The following PALS1 variants were observed in gnomAD, a reference collection of about 807,000 sequenced individuals.
PALS1 encodes protein associated with LIN7 1, MAGUK p55 family member.
PALS1 carries 31 observed loss-of-function variants against 78.9 expected under a neutral mutation model. The ratio of observed to expected loss-of-function variants is 0.39; its 90% CI spans 0.30 to 0.53. PALS1 has a LOEUF of 0.53. Ranked by LOEUF, PALS1 falls within the 20% of genes least tolerant of loss-of-function variation. PALS1 has a pLI of 0.67. For missense variants in PALS1, 704 were observed against 826.5 expected, an observed-to-expected ratio of 0.85 and a Z score of 1.82; for synonymous variants, 276 against 270.9, an observed-to-expected ratio of 1.02 and a Z score of -0.18.
chr14:67,294,081 T>C (rs1430106963), intron 4 of PALS1, among the ~76,000 whole-genome samples: 1 of 152,186 alleles, frequency 6.6e-6, no homozygotes, highest in Non-Finnish European at 1.5e-5. Flanking sequence ...AAAAGGACTT[T>C]AAAAAAGATC....
rs375911648 is a variant in PALS1, at chr14:67,308,546, CTTTTTTTTTTT to C, written c.1042-3975_1042-3965del. ...ACTCTCCAAATATTTTTTTCTTTTT[CTTTTTTTTTTT>C]TTTTTGGAGACAGAGTTTCACTCTG... is the stretch of plus-strand genomic sequence containing the variant. On this transcript the variant is annotated intron_variant, in intron 8 of 14. Coordinates refer to ENST00000261681, the MANE Select transcript of PALS1 (RefSeq NM_022474.4). Among the ~76,000 whole-genome samples, 301 of 131,816 alleles carry C rather than the reference CTTTTTTTTTTT, an allele frequency of 2.3e-3. 1 individual carries two copies. Among genetic ancestry groups the C allele is most frequent in the African/African-American group, 8.0e-3 (282 of 35,214 alleles). 86.5% of individuals were successfully genotyped at this position (131,816 alleles called of 152,430 possible). A position where few individuals can be genotyped will look rare whatever the true frequency, so the allele number is the denominator to read the frequency against.
At position 67,322,325 on chromosome 14, in the gene PALS1, T is replaced by C. The variant is rs570185010; in HGVS notation, c.1740+1066T>C. ...CTGCACTCCAACCTGGGTGACAGAG[T>C]GAGCAGAGTGAGACTCTGTCTGAAA... On this transcript the variant is annotated intron_variant, in intron 13 of 14. Transcript: ENST00000261681. 1.5e-3 allele frequency among the ~76,000 whole-genome samples: 227 copies of C among 152,118 alleles called. 4 individuals are homozygous for C. The highest frequency in any genetic ancestry group is 5.8e-4 in the East Asian group (3 of 5,174).
At chr14:67,322,095 G>C (rs1195955871) in intron 13 of PALS1, among the ~76,000 whole-genome samples, 1 of 152,076 alleles carries the variant, frequency 6.6e-6, no homozygotes, top group Non-Finnish European at 1.5e-5. Context: ...TATTTAAAAT[G>C]ATAATTTTAG....
At chr14:67,301,927 T>C (rs371179473) in intron 5 of PALS1, 45 bp from the exon 6 acceptor site, 11 of 1,558,632 alleles carry the variant, frequency 7.1e-6, no homozygotes, top group Non-Finnish European at 7.8e-6. Flanking sequence ...TCTGCAGAAA[T>C]AAATCATGCT....
At chr14:67,242,724 A>G (rs866935265) in intron 1 of PALS1, among the ~76,000 whole-genome samples, 1 of 152,160 alleles carries the variant, frequency 6.6e-6, no homozygotes, top group Non-Finnish European at 1.5e-5. Context: ...ATTATAATGT[A>G]AGAGATTTAT....
At position 67,301,194 on chromosome 14, in the gene PALS1, G is replaced by GT. The variant is rs1184698627; in HGVS notation, c.577-188dup. On this transcript the variant is annotated intron_variant, in intron 4 of 14. Transcript: ENST00000261681. ...CGTAAGTACCAAAATATTATTTAGTGTTTTTTTAATAAGAAATACTGTTGT... is the reference window on the plus strand; with the variant it reads ...CGTAAGTACCAAAATATTATTTAGTGTTTTTTTTAATAAGAAATACTGTTGT... 5.3e-5 allele frequency among the ~76,000 whole-genome samples: 8 copies of GT among 151,948 alleles called. No homozygotes were observed. The South Asian group carries it at 1.0e-3, about 20-fold the overall frequency.
intron 3 of PALS1, among the ~76,000 whole-genome samples, chr14:67,284,437 A>AAAAAAAAAAAC (rs2084647082): frequency 6.8e-6 from 1 of 148,054 alleles, no homozygotes; most frequent in African/African-American, 2.5e-5. Flanking sequence ...CTTAAAAAAA[A>AAAAAAAAAAAC]AAAAAAACAG....
At chr14:67,281,468 C>T (rs977269586) in intron 3 of PALS1, among the ~76,000 whole-genome samples, 2 of 151,954 alleles carry the variant, frequency 1.3e-5, no homozygotes, top group Non-Finnish European at 2.9e-5. Context: ...TACTTCATTC[C>T]TGATTGCTTC....
At position 67,302,062 on chromosome 14, in the gene PALS1, T is replaced by C; in HGVS notation, c.745T>C (p.Tyr249His). Reference protein sequence around the residue: ...DERVYESIGQYGGETVKIVRI... With the variant: ...DERVYESIGQHGGETVKIVRI... ...GAGAGTTTATGAAAGTATTGGCCAGTATGGAGGAGAAACTGTAAAAATAGT... is the reference window on the plus strand; with the variant it reads ...GAGAGTTTATGAAAGTATTGGCCAGCATGGAGGAGAAACTGTAAAAATAGT... Residue 249 changes from tyrosine (Y) to histidine (H), a missense_variant, in exon 6 of 15, where the codon TAT becomes CAT. Coordinates refer to ENST00000261681, the MANE Select transcript of PALS1 (RefSeq NM_022474.4). 6.2e-7 allele frequency: 1 copy of C among 1,608,804 alleles called. No individual in the cohort carries two copies. Among genetic ancestry groups the C allele is most frequent in the Non-Finnish European group, 8.5e-7 (1 of 1,177,556 alleles).
chr14:67,327,285 G>A (rs1252011590), intron 14 of PALS1, among the ~76,000 whole-genome samples: 5 of 152,164 alleles, frequency 3.3e-5, no homozygotes, highest in Non-Finnish European at 4.4e-5. Context: ...CCTAGGAGTA[G>A]AATTGCCGGA....
chr14:67,325,280 C>A (rs938613479), intron 14 of PALS1, among the ~76,000 whole-genome samples: 2 of 152,102 alleles, frequency 1.3e-5, no homozygotes, highest in Non-Finnish European at 2.9e-5. Context: ...TATCTTTTTT[C>A]ACTCTATGTC....
intron 14 of PALS1, among the ~76,000 whole-genome samples, chr14:67,331,073 C>G (rs1343221931): frequency 6.6e-6 from 1 of 151,582 alleles, no homozygotes; most frequent in Admixed American, 6.6e-5. Context: ...GAGACAGAGT[C>G]TCACTCTGTC....
intron 2 of PALS1, among the ~76,000 whole-genome samples, 185 bp from the exon 3 acceptor site, chr14:67,278,833 G>C (rs1239375725): frequency 1.3e-5 from 2 of 151,990 alleles, no homozygotes; most frequent in Non-Finnish European, 2.9e-5. Context: ...GGGACTTTTT[G>C]GGGGAGGGGG....
chr14:67,321,189 G>C lies in PALS1; in HGVS notation c.1670G>C (p.Gly557Ala). ...EHGEFEKNLY[G>A]TSIDSVRQVI... ...GGTGAATTTGAGAAGAATTTGTATG[G>C]AACTAGCATAGATTCTGTACGGCAA... The change falls in exon 13 of 15, where the codon GGA becomes GCA. Residue 557 changes from glycine to alanine, a missense_variant. Transcript: ENST00000261681. 6.2e-7 allele frequency: 1 copy of C among 1,614,208 alleles called. No homozygotes were observed. The highest frequency in any genetic ancestry group is 8.5e-7 in the Non-Finnish European group (1 of 1,180,034).
At chr14:67,277,954 ACT>A (rs2084531778) in intron 2 of PALS1, among the ~76,000 whole-genome samples, 1 of 151,444 alleles carries the variant, frequency 6.6e-6, no homozygotes, top group Non-Finnish European at 1.5e-5. Context: ...GTACAGTATG[ACT>A]CTCAAAAGTT....
At chr14:67,314,119 G>C (rs538183471) in intron 9 of PALS1, among the ~76,000 whole-genome samples, 1 of 151,990 alleles carries the variant, frequency 6.6e-6, no homozygotes, top group South Asian at 2.1e-4. Flanking sequence ...AAGATTTTAA[G>C]CATAACAGAT....
At chr14:67,328,751 T>C (rs1424277822) in intron 14 of PALS1, among the ~76,000 whole-genome samples, 1 of 152,214 alleles carries the variant, frequency 6.6e-6, no homozygotes, top group Non-Finnish European at 1.5e-5. Context: ...TCCCCATTTC[T>C]TCTTTTTGTC....
At chr14:67,291,553 G>T (rs2084774666) in intron 3 of PALS1, among the ~76,000 whole-genome samples, 1 of 152,186 alleles carries the variant, frequency 6.6e-6, no homozygotes, top group Non-Finnish European at 1.5e-5. Flanking sequence ...AGAGTGCTGG[G>T]ATTACAGGCG....
intron 1 of PALS1, among the ~76,000 whole-genome samples, chr14:67,242,245 T>G: frequency 6.6e-6 from 1 of 152,140 alleles, no homozygotes; most frequent in Admixed American, 6.5e-5. Flanking sequence ...GAATGTAGGT[T>G]TCGGTCAAAA....
Sources: allele counts gnomAD v4.1 joint callset (sites outside exome capture counted in the v4.1 genomes callset), GRCh38; gene constraint gnomAD v4.1.1; transcripts MANE v1.5; gene names NCBI Gene and HGNC (gene_info 2026-07-23, HGNC 2026-07-21).